SGSH: variants seen among roughly 807,000 people sequenced by gnomAD.
SGSH encodes the protein heparan sulfate sulfatase.
Under a neutral mutation model 51.0 loss-of-function variants are expected in SGSH, and 48 were observed. The observed-to-expected ratio is 0.94, with a 90% CI of 0.75 to 1.20. The LOEUF is 1.20. SGSH is among the 50% of genes most tolerant of loss of function. The probability of loss-of-function intolerance (pLI) is 0.00; values close to 1 mark genes in which losing one functional copy is unlikely to be tolerated. For missense variants in SGSH, 662 were observed against 717.8 expected (o/e 0.92, Z 0.89); for synonymous variants, 321 against 313.4 (o/e 1.02, Z -0.26).
In SGSH at chr17:80,209,563, G is replaced by T. The variant is rs1251046671; in HGVS notation, c.*889C>A. 20 of 936,434 alleles carry T rather than the reference G, an allele frequency of 2.1e-5. No homozygotes were observed. The highest frequency in any genetic ancestry group is 1.1e-5 in the Non-Finnish European group (9 of 787,824). 58.0% of individuals were successfully genotyped at this position (936,434 alleles called of 1,614,324 possible). The stretch of plus-strand genomic sequence containing the variant: ...TAACCCAAGCCAGAGGACGGGCATC[G>T]CCACCCAGCAACGCCAGTGTCACCG... On this transcript the variant is annotated 3_prime_UTR_variant, in exon 8 of 8. Coordinates refer to ENST00000326317, the MANE Select transcript of SGSH (RefSeq NM_000199.5).
chr17:80,220,056 C>A (rs1381471927), intron 1 of SGSH, 170 bp downstream of exon 1: 5 of 533,398 alleles, frequency 9.4e-6, no homozygotes, highest in Admixed American at 3.7e-5. Context: ...TGGGGAGACA[C>A]CCGTGAAGAG....
chr17:80,203,916 C>T, downstream of SGSH: 1 of 1,542,030 alleles, frequency 6.5e-7, no homozygotes, highest in East Asian at 2.3e-5. This position sits in a 1 kb window ranked among gnomAD's most constrained non-coding sequence, Gnocchi z 4.6. Flanking sequence ...CTGGACCCCA[C>T]TGGGGTGGGC....
Position 80,213,939 on chromosome 17 carries a change from G to T in SGSH, c.664-54C>A. Reference sequence around the variant, plus strand: ...AGAACAGACAGACCGGGGGAGCGGTGTCCAGCCTTCTCCCCGGGGCCTCCT... The same window carrying T: ...AGAACAGACAGACCGGGGGAGCGGTTTCCAGCCTTCTCCCCGGGGCCTCCT... On this transcript the variant is annotated intron_variant, in intron 5 of 7. Transcript: ENST00000326317. This position sits in a 1 kb window ranked among gnomAD's most constrained non-coding sequence, Gnocchi z 4.6. The T allele has an allele frequency of 6.6e-7, 1 of 1,526,654 alleles. No homozygotes were observed. Among genetic ancestry groups the T allele is most frequent in the Non-Finnish European group, 8.9e-7 (1 of 1,122,774 alleles). The allele number at this position is 1,526,654 out of a possible 1,614,324, so 94.6% of individuals were successfully genotyped here.
downstream of SGSH, chr17:80,201,891 G>C: frequency 6.3e-7 from 1 of 1,595,792 alleles, no homozygotes; most frequent in Non-Finnish European, 8.6e-7. The surrounding 1 kb of genome is among the most constrained non-coding windows in gnomAD (Gnocchi z 5.0). Context: ...CACTCCTCTC[G>C]TGTGCACAGC....
rs2041540285 is a variant in SGSH at position 80,209,542 on chromosome 17, C to G, written c.*910G>C. On this transcript the variant is annotated 3_prime_UTR_variant, in exon 8 of 8. Transcript: ENST00000326317. ...ACGCCGACGTCATCCAAGAATTAAC[C>G]CAAGCCAGAGGACGGGCATCGCCAC... 1.0e-6 allele frequency: 1 copy of G among 985,192 alleles called. No individual in the cohort carries two copies. The highest frequency in any genetic ancestry group is 1.8e-5 in the African/African-American group (1 of 57,080). 61.0% of individuals were successfully genotyped at this position (985,192 alleles called of 1,614,324 possible). A position where few individuals can be genotyped will look rare whatever the true frequency, so the allele number is the denominator to read the frequency against.
At chr17:80,202,011 C>G, downstream of SGSH, 1 of 1,278,296 alleles carries the variant, frequency 7.8e-7, no homozygotes, top group South Asian at 1.4e-5. Context: ...CCCCAGGTCC[C>G]CAGGAGGCCC....
rs1311151965 is a variant in SGSH at position 80,214,763 on chromosome 17, T to C, written c.358A>G (p.Ile120Val). 6.8e-6 allele frequency: 11 copies of C among 1,611,250 alleles called. No individual in the cohort carries two copies. Among genetic ancestry groups the C allele is most frequent in the African/African-American group, 1.3e-5 (1 of 74,932 alleles). Reference sequence around the variant, plus strand: ...GGCCCCACGTGCTTCTTCCCGATGATGCCTGGGCGGGAAGAGAGGCCTGGC... The same window carrying C: ...GGCCCCACGTGCTTCTTCCCGATGACGCCTGGGCGGGAAGAGAGGCCTGGC... ...LLSQAGVRTG[I>V]IGKKHVGPET... Residue 120 changes from isoleucine to valine, a missense_variant and splice_region_variant, in exon 4 of 8, where the codon ATC (isoleucine) becomes GTC (valine). Physicochemically the swap from Ile to Val is conservative, Grantham distance 29. Coordinates refer to ENST00000326317, the MANE Select transcript of SGSH (RefSeq NM_000199.5).
At position 80,215,281 on chromosome 17, in the gene SGSH, T is replaced by G; in HGVS notation, c.250-143A>C. On this transcript the variant is annotated intron_variant, in intron 2 of 7. Transcript: ENST00000326317. ...TCGAGTGGCCAGCACCCAGAGACAC[T>G]GGCTGTACCTCCCACTCCCTGCCCG... is the stretch of plus-strand genomic sequence containing the variant. The G allele has an allele frequency of 5.8e-6, 4 of 691,062 alleles. No individual in the cohort carries two copies. The South Asian group carries it at 6.1e-5, about 11-fold the overall frequency. 42.8% of individuals were successfully genotyped at this position (691,062 alleles called of 1,614,324 possible).
chr17:80,214,371 C>T, intron 4 of SGSH, 43 bp from the exon 5 acceptor site: 1 of 1,597,460 alleles, frequency 6.3e-7, no homozygotes, highest in Non-Finnish European at 8.5e-7. Context: ...GGGGCCACTG[C>T]CACGTGGCAC....
chr17:80,209,733 C>T lies in SGSH; in HGVS notation c.*719G>A, dbSNP rs1175079626. 10 of 985,516 alleles carry T rather than the reference C, an allele frequency of 1.0e-5. No individual in the cohort carries two copies. Among genetic ancestry groups the T allele is most frequent in the Non-Finnish European group, 1.2e-5 (10 of 830,076 alleles). 61.0% of individuals were successfully genotyped at this position (985,516 alleles called of 1,614,324 possible). A position where few individuals can be genotyped will look rare whatever the true frequency, so the allele number is the denominator to read the frequency against. ...TTAACCCAAGCCAGAGGACGGGCATCGCCATGCCTTCATCTTCGGACACTC... is the reference window on the plus strand; with the variant it reads ...TTAACCCAAGCCAGAGGACGGGCATTGCCATGCCTTCATCTTCGGACACTC... On this transcript the variant is annotated 3_prime_UTR_variant, in exon 8 of 8. Transcript: ENST00000326317.
At position 80,212,820 on chromosome 17, in the gene SGSH, C is replaced by A. The variant is rs189404080; in HGVS notation, c.746-546G>T. 11 of 191,206 alleles carry A rather than the reference C, an allele frequency of 5.8e-5. No homozygotes were observed. In the East Asian group the frequency reaches 1.3e-3, roughly 23 times the overall value. 11.8% of individuals were successfully genotyped at this position (191,206 alleles called of 1,614,324 possible). A position where few individuals can be genotyped will look rare whatever the true frequency, so the allele number is the denominator to read the frequency against. On this transcript the variant is annotated intron_variant, in intron 6 of 7. Coordinates refer to ENST00000326317, the MANE Select transcript of SGSH (RefSeq NM_000199.5). The surrounding 1 kb of genome is among the most constrained non-coding windows in gnomAD (Gnocchi z 5.9). ...AGGGGTTCTTGTTTGGAAAGGGGAA[C>A]TTCACGAATAAAGATCTTGGGACAA...
rs949159217 is a variant in SGSH at position 80,211,204 on chromosome 17, A to G, written c.950-193T>C. ...CCTCAGTGCCTTGAATGGTATAACA[A>G]GAGGCCCTGATTCGGTGACATTTAG... On this transcript the variant is annotated intron_variant, in intron 7 of 7. Coordinates refer to ENST00000326317, the MANE Select transcript of SGSH (RefSeq NM_000199.5). 1.3e-5 allele frequency: 19 copies of G among 1,442,780 alleles called. No homozygotes were observed. In the African/African-American group the frequency reaches 1.9e-4, roughly 14 times the overall value. 89.4% of individuals were successfully genotyped at this position (1,442,780 alleles called of 1,614,324 possible).
chr17:80,207,001 A>G (rs775074934), downstream of SGSH: 3 of 1,612,792 alleles, frequency 1.9e-6, no homozygotes, highest in Non-Finnish European at 2.5e-6. Flanking sequence ...GTCCAGCTGG[A>G]CAGTGTCTGC....
At chr17:80,204,116 C>T (rs1297537339), downstream of SGSH, 11 of 1,063,270 alleles carry the variant, frequency 1.0e-5, no homozygotes, top group Admixed American at 2.6e-5. Context: ...AGAGCATCTG[C>T]GCCTCTGCAT....
In SGSH at chr17:80,210,663, C is replaced by T. The variant is rs104894641; in HGVS notation, c.1298G>A (p.Arg433Gln). The T allele has an allele frequency of 1.2e-5, 19 of 1,613,778 alleles. No individual in the cohort carries two copies. Among genetic ancestry groups the T allele is most frequent in the South Asian group, 2.2e-5 (2 of 91,092 alleles). The change falls in exon 8 of 8, where the codon CGG (arginine) becomes CAG (glutamine). Residue 433 changes from arginine (R) to glutamine (Q), a missense_variant. By Grantham distance (43) the Arg-to-Gln change is conservative. Coordinates refer to ENST00000326317, the MANE Select transcript of SGSH (RefSeq NM_000199.5). ...CCGGTCGTAGAGCTCCCAGCGCGCCCGGTAGTAGTAATGACGGAGGTCCTT... is the reference window on the plus strand; with the variant it reads ...CCGGTCGTAGAGCTCCCAGCGCGCCTGGTAGTAGTAATGACGGAGGTCCTT... The part of the protein sequence containing the change: ...WYKDLRHYYY[R>Q]ARWELYDRSR...
At chr17:80,207,794 G>T (rs535176703), downstream of SGSH, 2 of 268,326 alleles carry the variant, frequency 7.5e-6, no homozygotes, top group Admixed American at 5.3e-5. Context: ...AACCCCACCC[G>T]GCCTCAGCTC....
chr17:80,210,993 A>T lies in SGSH; in HGVS notation c.968T>A (p.Leu323Ter). ...VSLLDLTPTI[L>*]DWFSIPYPSY... ...GGGGTACGGGATCGAGAACCAATCC[A>T]AGATGGTGGGCGTGAGGTCTGGAAG... The change falls in exon 8 of 8, where the codon TTG becomes TAG. Residue 323 changes from leucine to a stop codon, truncating the protein, a stop_gained. Transcript: ENST00000326317. LOFTEE classifies it high-confidence loss of function. 1 of 1,598,830 alleles carries T rather than the reference A, an allele frequency of 6.3e-7. No homozygotes were observed.
At chr17:80,201,651 C>T in the SGSH span, 33 of 1,384,482 alleles carry the variant, frequency 2.4e-5, no homozygotes, top group Middle Eastern at 1.8e-4. This position sits in a 1 kb window ranked among gnomAD's most constrained non-coding sequence, Gnocchi z 5.0. Context: ...AGGGCTGGCC[C>T]GCGCCTCGCC....
At position 80,210,751 on chromosome 17, in the gene SGSH, C is replaced by T. The variant is rs191465934; in HGVS notation, c.1210G>A (p.Val404Ile). The change falls in exon 8 of 8, where the codon GTC becomes ATC. Residue 404 changes from valine (V) to isoleucine (I), a missense_variant. Physicochemically the swap from Val to Ile is conservative, Grantham distance 29. Transcript: ENST00000326317. ...MPFPIDQDFY[V>I]SPTFQDLLNR... Reference sequence around the variant, plus strand: ...AGGAGGTCCTGGAAGGTGGGTGAGACGTAGAAGTCCTGGTCGATGGGAAAG... The same window carrying T: ...AGGAGGTCCTGGAAGGTGGGTGAGATGTAGAAGTCCTGGTCGATGGGAAAG... The T allele has an allele frequency of 1.5e-4, 245 of 1,613,992 alleles. 3 individuals are homozygous for T. The South Asian group carries it at 2.3e-3, about 15-fold the overall frequency.
Sources: gnomAD v4.1 joint callset for allele counts on GRCh38, gnomAD v4.1.1 for gene constraint, Gnocchi (gnomAD v3.1) non-coding constraint, MANE v1.5 for transcripts, NCBI Gene and HGNC (gene_info 2026-07-23, HGNC 2026-07-21) for gene names.